The following CCT7 variants were observed in gnomAD, a reference collection of about 807,000 sequenced individuals.
CCT7 encodes T-complex protein 1 subunit eta.
A neutral mutation model predicts 56.6 loss-of-function variants in CCT7; 16 were observed. That is an observed-to-expected ratio of 0.28 (90% CI 0.19 to 0.43). The LOEUF is 0.43. Ranked by LOEUF, CCT7 falls within the 20% of genes least tolerant of loss-of-function variation. CCT7 has a pLI of 1.00. For missense variants in CCT7, 519 were observed against 685.6 expected (o/e 0.76, Z 2.71); for synonymous variants, 262 against 254.8 (o/e 1.03, Z -0.27).
Position 73,251,571 on chromosome 2 carries a change from C to T in CCT7, c.1410+139C>T, listed in dbSNP as rs1019612517. On this transcript the variant is annotated intron_variant, in intron 11 of 11. Coordinates refer to ENST00000258091, the MANE Select transcript of CCT7 (RefSeq NM_006429.4). ...CCCCCCAGCCTGTCTGCCTGACCAA[C>T]TCCCTCCTCTGAGGGCAGAAGGAAA... is the stretch of plus-strand genomic sequence containing the variant. 3.5e-4 allele frequency: 242 copies of T among 697,706 alleles called. 2 individuals are homozygous for T. Among genetic ancestry groups the T allele is most frequent in the Non-Finnish European group, 5.2e-5 (21 of 403,512 alleles). The allele number at this position is 697,706 out of a possible 1,614,324, so 43.2% of individuals were successfully genotyped here. A position where few individuals can be genotyped will look rare whatever the true frequency, so the allele number is the denominator to read the frequency against.
At chr2:73,237,167 T>A (rs1311095669) in intron 1 of CCT7, among the ~76,000 whole-genome samples, 1 of 152,232 alleles carries the variant, frequency 6.6e-6, no homozygotes, top group South Asian at 2.1e-4. Context: ...GAGAAAGTTA[T>A]GGGATTCCCC....
chr2:73,247,725 G>T, intron 6 of CCT7, 37 bp from the exon 7 acceptor site: 1 of 1,598,506 alleles, frequency 6.3e-7, no homozygotes, highest in Non-Finnish European at 8.6e-7. Flanking sequence ...TTTCATGTTA[G>T]TACCAAACCA....
At chr2:73,236,445 A>G (rs182266042) in intron 1 of CCT7, among the ~76,000 whole-genome samples, 2 of 152,084 alleles carry the variant, frequency 1.3e-5, no homozygotes, top group East Asian at 1.9e-4. Flanking sequence ...GGTTCAAGCA[A>G]TTCTCCTGCC....
Position 73,249,119 on chromosome 2 carries a change from T to C in CCT7, c.912T>C (p.Ala304=), listed in dbSNP as rs913389651. The change falls in exon 8 of 12, where the codon GCT becomes GCC. Residue 304 remains alanine, a synonymous_variant. Transcript: ENST00000258091. The part of the protein sequence containing the change: ...PIGDVATQYF[A]DRDMFCAGRV... Reference sequence around the variant, plus strand: ...GGGATGTGGCCACCCAGTACTTTGCTGACAGGGACATGTTCTGTGCTGGCC... The same window carrying C: ...GGGATGTGGCCACCCAGTACTTTGCCGACAGGGACATGTTCTGTGCTGGCC... 3 of 1,614,068 alleles carry C rather than the reference T, an allele frequency of 1.9e-6. No individual in the cohort carries two copies. The highest frequency in any genetic ancestry group is 2.5e-6 in the Non-Finnish European group (3 of 1,180,024).
At position 73,251,570 on chromosome 2, in the gene CCT7, A is replaced by C. The variant is rs1009188580; in HGVS notation, c.1410+138A>C. 4.3e-6 allele frequency: 3 copies of C among 703,770 alleles called. No individual in the cohort carries two copies. The East Asian group carries it at 8.2e-5, about 19-fold the overall frequency. 43.6% of individuals were successfully genotyped at this position (703,770 alleles called of 1,614,324 possible). On this transcript the variant is annotated intron_variant, in intron 11 of 11. Transcript: ENST00000258091. ...TCCCCCCAGCCTGTCTGCCTGACCAACTCCCTCCTCTGAGGGCAGAAGGAA... is the reference window on the plus strand; with the variant it reads ...TCCCCCCAGCCTGTCTGCCTGACCACCTCCCTCCTCTGAGGGCAGAAGGAA...
At chr2:73,244,430 T>C (rs771012349) in intron 5 of CCT7, 114 bp from the exon 6 acceptor site, 24 of 863,218 alleles carry the variant, frequency 2.8e-5, no homozygotes, top group Non-Finnish European at 4.2e-5. Flanking sequence ...AAAGGTGAAG[T>C]TGGAGAGGGC....
intron 6 of CCT7, among the ~76,000 whole-genome samples, 182 bp from the exon 7 acceptor site, chr2:73,247,578 TAA>T (rs75081096): frequency 6.9e-5 from 10 of 145,144 alleles, no homozygotes; most frequent in African/African-American, 1.0e-4. Flanking sequence ...TTGTGTTATT[TAA>T]AAAAAAAAAA....
In CCT7 at chr2:73,246,481, A is replaced by T. The variant is rs575640187; in HGVS notation, c.619-1281A>T. On this transcript the variant is annotated intron_variant, in intron 6 of 11. Coordinates refer to ENST00000258091, the MANE Select transcript of CCT7 (RefSeq NM_006429.4). ...TTTTACTCTTTCTGGTACTATTGCC[A>T]CCCCTCTTCCAGTCTTGGATCCCCT... Among the ~76,000 whole-genome samples the T allele has an allele frequency of 3.9e-5, 6 of 152,198 alleles. No individual in the cohort carries two copies. In the South Asian group the frequency reaches 6.2e-4, roughly 16 times the overall value.
chr2:73,240,598 C>G (rs370692945), intron 3 of CCT7, 55 bp downstream of exon 3: 1 of 1,043,780 alleles, frequency 9.6e-7, no homozygotes, highest in African/African-American at 1.6e-5. Flanking sequence ...TTGCTTGCTC[C>G]TTAGTTCTCC....
intron 1 of CCT7, among the ~76,000 whole-genome samples, chr2:73,237,258 G>A (rs907250081): frequency 3.7e-4 from 57 of 152,234 alleles, no homozygotes; most frequent in Non-Finnish European, 1.2e-4. Context: ...GCCTGGTGGT[G>A]AGAAAGTGGT....
intron 2 of CCT7, chr2:73,240,154 C>G (rs915546371): frequency 6.0e-6 from 2 of 332,948 alleles, no homozygotes; most frequent in Admixed American, 4.5e-5. Context: ...GTAAGAATAT[C>G]TAAGTGGTTA....
At chr2:73,240,743 A>G (rs1466795438) in intron 3 of CCT7, among the ~76,000 whole-genome samples, 200 bp downstream of exon 3, 4 of 152,214 alleles carry the variant, frequency 2.6e-5, no homozygotes, top group African/African-American at 9.6e-5. Flanking sequence ...CCATTAATAC[A>G]TTGGTGAATG....
At chr2:73,248,060 C>T (rs2231430) in intron 7 of CCT7, 134 bp downstream of exon 7, 22,660 of 755,318 alleles carry the variant, frequency 0.03, 1,065 homozygotes, top group African/African-American at 0.18. Flanking sequence ...TACTAGGCCC[C>T]CTTCTTTCCA....
At position 73,250,050 on chromosome 2, in the gene CCT7, A is replaced by T. The variant is rs2231434; in HGVS notation, c.1070+134A>T. The stretch of plus-strand genomic sequence containing the variant: ...TGGTATACAGCTTTTACAGAGTCTC[A>T]CCTTTGAGCCATAAAGAGCTCAGAT... On this transcript the variant is annotated intron_variant, in intron 9 of 11. Coordinates refer to ENST00000258091, the MANE Select transcript of CCT7 (RefSeq NM_006429.4). 1.2e-5 allele frequency: 9 copies of T among 743,396 alleles called. No homozygotes were observed. In the East Asian group the frequency reaches 1.2e-4, roughly 10 times the overall value. 46.0% of individuals were successfully genotyped at this position (743,396 alleles called of 1,614,324 possible).
chr2:73,240,038 A>G (rs2103770233), intron 2 of CCT7: 1 of 445,550 alleles, frequency 2.2e-6, no homozygotes, highest in East Asian at 3.6e-5. Context: ...GAAACATGAA[A>G]TAGAACCATC....
chr2:73,249,358 A>G (rs544187349), intron 8 of CCT7, among the ~76,000 whole-genome samples, 179 bp downstream of exon 8: 21 of 152,256 alleles, frequency 1.4e-4, no homozygotes, highest in African/African-American at 5.1e-4. Flanking sequence ...CAGTAGCACA[A>G]ACTACTTTAG....
In CCT7 at chr2:73,240,548, GAA is replaced by G. The variant is rs3835072; in HGVS notation, c.267+8_267+9del. The G allele has an allele frequency of 0.37, 580,062 of 1,581,210 alleles. 107,870 individuals carry two copies. The highest frequency in any genetic ancestry group is 0.38 in the Non-Finnish European group (438,062 of 1,156,200). On this transcript the variant is annotated splice_donor_region_variant and intron_variant, in intron 3 of 11. Transcript: ENST00000258091. Reference sequence around the variant, plus strand: ...GCCAAATCCCAAGATGCTGAGGTAGGAAAATAGTTGTGTGTTTAAATGGAGGT... The same window carrying G: ...GCCAAATCCCAAGATGCTGAGGTAGGAATAGTTGTGTGTTTAAATGGAGGT...
intron 3 of CCT7, among the ~76,000 whole-genome samples, chr2:73,241,827 G>A (rs1212020063): frequency 1.3e-5 from 2 of 149,230 alleles, no homozygotes; most frequent in Non-Finnish European, 3.0e-5. Context: ...TGCAACCTCC[G>A]CCTCCTGGGA....
Position 73,244,637 on chromosome 2 carries a change from G to A in CCT7, c.540G>A (p.Val180=). ...AAGCTTTCTTTGCTAAGATGGTGGT[G>A]GATGCAGTGATGATGCTCGATGATT... The part of the protein sequence containing the change: ...QQKAFFAKMV[V]DAVMMLDDLL... The change falls in exon 6 of 12, where the codon GTG becomes GTA. Residue 180 remains valine (V), a synonymous_variant. Coordinates refer to ENST00000258091, the MANE Select transcript of CCT7 (RefSeq NM_006429.4). 1 of 1,613,826 alleles carries A rather than the reference G, an allele frequency of 6.2e-7. No homozygotes were observed. Among genetic ancestry groups the A allele is most frequent in the Middle Eastern group, 1.6e-4 (1 of 6,062 alleles).
Sources: gnomAD v4.1 joint callset for allele counts (sites outside exome capture counted in the v4.1 genomes callset) on GRCh38, gnomAD v4.1.1 for gene constraint, MANE v1.5 for transcripts, NCBI Gene and HGNC (gene_info 2026-07-23, HGNC 2026-07-21) for gene names.